AP3D1: variants seen among roughly 807,000 people sequenced by gnomAD.
AP3D1 encodes the protein adaptor related protein complex 3 subunit delta 1.
In AP3D1, 51 loss-of-function variants were observed where a neutral mutation model predicts 147.6. The ratio of observed to expected loss-of-function variants is 0.35; its 90% CI spans 0.28 to 0.44. AP3D1 has a LOEUF of 0.44. Among genes scored for constraint, AP3D1 ranks in the 20% least tolerant of loss-of-function variants. The pLI, the probability that AP3D1 is intolerant of heterozygous loss-of-function variation, is 1.00. For synonymous variants in AP3D1, 760 were observed against 663.0 expected (o/e 1.15, Z -2.25); for missense variants, 1,421 against 1,624.2 (o/e 0.87, Z 2.15).
Position 2,162,435 on chromosome 19 carries a change from A to T in AP3D1, c.-103+1921T>A, listed in dbSNP as rs897810325. Among the ~76,000 whole-genome samples the T allele has an allele frequency of 3.5e-4, 53 of 150,498 alleles. No individual in the cohort carries two copies. In the Middle Eastern group the frequency reaches 0.01, roughly 29 times the overall value. ...TTCGGGAGGCTGAGGAGGGCGGATC[A>T]CTTGAGTTTGAGATTAGGAGTTAGA... On this transcript the variant is annotated intron_variant, in intron 1 of 14. Coordinates refer to the AP3D1 transcript ENST00000643010.
rs747599851 is a variant in AP3D1 at position 2,123,841 on chromosome 19, C to T, written c.895G>A (p.Ala299Thr). 39 of 1,575,888 alleles carry T rather than the reference C, an allele frequency of 2.5e-5. No homozygotes were observed. Among genetic ancestry groups the T allele is most frequent in the Non-Finnish European group, 3.4e-5 (39 of 1,160,972 alleles). The change falls in exon 10 of 32, where the codon GCC becomes ACC. Residue 299 changes from alanine to threonine, a missense_variant. Around this residue, in one of 6 missense-constraint regions of AP3D1, gnomAD observed 292 missense variants for 412.0 expected, o/e 0.71. Coordinates refer to ENST00000643116, the MANE Select transcript of AP3D1 (RefSeq NM_001261826.3). Reference sequence around the variant, plus strand: ...AGTGCGGGACGTACCTGGATGCTGGCGCTGTGGTTGGGCATGCCGGAGGAC... The same window carrying T: ...AGTGCGGGACGTACCTGGATGCTGGTGCTGTGGTTGGGCATGCCGGAGGAC... Reference protein sequence around the residue: ...SLSSGMPNHSASIQLCVQKLR... With the variant: ...SLSSGMPNHSTSIQLCVQKLR...
chr19:2,102,105 G>C lies in AP3D1; in HGVS notation c.*68C>G. On this transcript the variant is annotated 3_prime_UTR_variant, in exon 32 of 32. Coordinates refer to ENST00000643116, the MANE Select transcript of AP3D1 (RefSeq NM_001261826.3). Reference sequence around the variant, plus strand: ...ACAGTACACACGACTGAGGAGAGGCGAGACACGTCAGGGCTGCGGTCCCTG... The same window carrying C: ...ACAGTACACACGACTGAGGAGAGGCCAGACACGTCAGGGCTGCGGTCCCTG... 1 of 1,289,532 alleles carries C rather than the reference G, an allele frequency of 7.8e-7. No homozygotes were observed. The highest frequency in any genetic ancestry group is 1.1e-6 in the Non-Finnish European group (1 of 893,336). The allele number at this position is 1,289,532 out of a possible 1,614,324, so 79.9% of individuals were successfully genotyped here.
At chr19:2,105,431 A>G (rs982740434) in intron 31 of AP3D1, among the ~76,000 whole-genome samples, 3 of 152,380 alleles carry the variant, frequency 2.0e-5, no homozygotes, top group East Asian at 1.9e-4. Flanking sequence ...AAACAATAGC[A>G]TGAGCGAGCT....
intron 31 of AP3D1, among the ~76,000 whole-genome samples, chr19:2,104,922 G>T (rs796724651): frequency 3.1e-4 from 47 of 152,024 alleles, no homozygotes; most frequent in African/African-American, 1.0e-3. Context: ...CGATCCTCCT[G>T]CCTCAGCCTC....
In AP3D1 at chr19:2,114,238, G is replaced by A. The variant is rs2018373282; in HGVS notation, c.2488C>T (p.Pro830Ser). The stretch of plus-strand genomic sequence containing the variant: ...TCTACCATGGGAACGTCCTTCTCAG[G>A]GGATTTTGAGGTCTCGGTGTTTCTG... ...KHRNTETSKS[P>S]EKDVPMVEKK... The change falls in exon 22 of 32, where the codon CCT becomes TCT. Residue 830 changes from proline (P) to serine (S), a missense_variant. Pro to Ser is a moderately conservative substitution (Grantham distance 74, BLOSUM62 -1). This residue lies in a region of AP3D1 where 791 missense variants were observed against 761.4 expected (regional missense o/e 1.04). Transcript: ENST00000643116. 3 of 1,613,406 alleles carry A rather than the reference G, an allele frequency of 1.9e-6. No individual in the cohort carries two copies. Among genetic ancestry groups the A allele is most frequent in the African/African-American group, 2.7e-5 (2 of 74,794 alleles).
chr19:2,136,923 C>T (rs1382125001), intron 4 of AP3D1, 88 bp downstream of exon 4: 2 of 1,263,274 alleles, frequency 1.6e-6, no homozygotes, highest in Non-Finnish European at 2.2e-6. Flanking sequence ...GCACCTGCTG[C>T]CCACAGGAAG....
At chr19:2,123,300 C>A in intron 11 of AP3D1, 58 bp downstream of exon 11, 1 of 1,556,374 alleles carries the variant, frequency 6.4e-7, no homozygotes, top group Non-Finnish European at 8.8e-7. Context: ...TAGGAGGACC[C>A]CTAACTTCAC....
At chr19:2,154,513 G>A (rs138615146), upstream of AP3D1, among the ~76,000 whole-genome samples, 118 of 152,144 alleles carry the variant, frequency 7.8e-4, 1 homozygote, top group East Asian at 0.019. Flanking sequence ...TCTTGACCTC[G>A]TGATCTGCCT....
At chr19:2,111,487 A>G in intron 25 of AP3D1, 155 bp from the exon 26 acceptor site, 1 of 1,211,198 alleles carries the variant, frequency 8.3e-7, no homozygotes, top group Non-Finnish European at 1.2e-6. Context: ...CCCGGCTCCC[A>G]GGACCACACA....
At chr19:2,113,215 C>G in intron 23 of AP3D1, 121 bp downstream of exon 23, 2 of 659,046 alleles carry the variant, frequency 3.0e-6, no homozygotes, top group South Asian at 3.9e-5. Context: ...CTGGGTCCCA[C>G]AGGTGCACGG....
At chr19:2,156,484 G>A (rs1198513552), upstream of AP3D1, among the ~76,000 whole-genome samples, 5 of 150,184 alleles carry the variant, frequency 3.3e-5, no homozygotes, top group Non-Finnish European at 7.4e-5. Flanking sequence ...CCCATCCACC[G>A]ATCCACTCAC....
chr19:2,122,131 T>C (rs1471993370), intron 11 of AP3D1, among the ~76,000 whole-genome samples: 3 of 152,116 alleles, frequency 2.0e-5, no homozygotes, highest in Non-Finnish European at 4.4e-5. Context: ...CCCTACCTAC[T>C]ACCACGTTGT....
At chr19:2,112,065 C>G (rs1344068736) in intron 24 of AP3D1, 1 of 593,756 alleles carries the variant, frequency 1.7e-6, no homozygotes, top group Non-Finnish European at 2.9e-6. Context: ...GGGGAACAGT[C>G]CCCACCGACC....
intron 1 of AP3D1, among the ~76,000 whole-genome samples, chr19:2,157,119 C>A (rs1012525209): frequency 4.0e-5 from 6 of 151,878 alleles, no homozygotes; most frequent in African/African-American, 1.5e-4. Flanking sequence ...TCCATCCATC[C>A]ACCCACCCAT....
chr19:2,109,908 G>A lies in AP3D1; in HGVS notation c.3315C>T (p.Ser1105=). ...HEKLDFRLHF[S]CSSYLITTPC... is the part of the protein sequence containing the mutation. ...GAGTGGTGATCAAGTAGGAGCTGCA[G>A]CTGAAGTGCAGCCTGAAGTCCAGCT... Residue 1105 remains serine (S), a synonymous_variant, in exon 29 of 32, where the codon AGC becomes AGT. Coordinates refer to ENST00000643116, the MANE Select transcript of AP3D1 (RefSeq NM_001261826.3). 2 of 1,613,828 alleles carry A rather than the reference G, an allele frequency of 1.2e-6. No individual in the cohort carries two copies. Among genetic ancestry groups the A allele is most frequent in the Non-Finnish European group, 1.7e-6 (2 of 1,180,002 alleles).
chr19:2,113,824 C>T (rs2018356507), intron 22 of AP3D1, among the ~76,000 whole-genome samples: 1 of 152,270 alleles, frequency 6.6e-6, no homozygotes, highest in Admixed American at 6.5e-5. Context: ...GGTTCTGGAG[C>T]TGCACGTGAG....
At position 2,108,939 on chromosome 19, in the gene AP3D1, C is replaced by G; in HGVS notation, c.3472+147G>C. ...GTGGGGAATGCAGCCCCCGCACCAG[C>G]TCCCAGGCCTCGGGGCCACCAGCCA... is the stretch of plus-strand genomic sequence containing the variant. On this transcript the variant is annotated intron_variant, in intron 30 of 31. Coordinates refer to ENST00000643116, the MANE Select transcript of AP3D1 (RefSeq NM_001261826.3). 13 of 1,372,864 alleles carry G rather than the reference C, an allele frequency of 9.5e-6. No individual in the cohort carries two copies. The South Asian group carries it at 1.8e-4, about 19-fold the overall frequency. 85.0% of individuals were successfully genotyped at this position (1,372,864 alleles called of 1,614,324 possible).
chr19:2,156,952 G>A (rs1158402413), intron 1 of AP3D1, among the ~76,000 whole-genome samples: 4 of 99,350 alleles, frequency 4.0e-5, no homozygotes, highest in South Asian at 3.8e-4. Context: ...ACCCATCCAC[G>A]AATCCATCCA....
At chr19:2,111,428 CT>C in intron 25 of AP3D1, 96 bp from the exon 26 acceptor site, 1 of 1,479,386 alleles carries the variant, frequency 6.8e-7, no homozygotes, top group Middle Eastern at 2.1e-4. Flanking sequence ...AATGCCACGA[CT>C]CCAAGAATGC....
Sources: gnomAD v4.1 joint callset for allele counts (sites outside exome capture counted in the v4.1 genomes callset) on GRCh38, gnomAD v4.1.1 for gene constraint, gnomAD v4.1.1 regional missense constraint, MANE v1.5 for transcripts, NCBI Gene and HGNC (gene_info 2026-07-23, HGNC 2026-07-21) for gene names.